SLC12A8: variants seen among roughly 807,000 people sequenced by gnomAD.
SLC12A8 encodes the protein solute carrier family 12 member 8, also known as cation-chloride cotransporter 9.
Under a neutral mutation model 75.6 loss-of-function variants are expected in SLC12A8, and 69 were observed. The observed-to-expected ratio is 0.91, with a 90% CI of 0.75 to 1.11. The LOEUF (loss-of-function observed/expected upper bound fraction) is 1.11. Ranked by LOEUF, SLC12A8 falls within the 50% of genes most tolerant of loss-of-function variation. The pLI, the probability that SLC12A8 is intolerant of heterozygous loss-of-function variation, is 0.00. For missense variants in SLC12A8, 877 were observed against 896.7 expected, an observed-to-expected ratio of 0.98 and a Z score of 0.28; for synonymous variants, 365 against 372.8, an observed-to-expected ratio of 0.98 and a Z score of 0.24.
At chr3:125,191,855 G>C (rs548261205) in intron 2 of SLC12A8, among the ~76,000 whole-genome samples, 1 of 152,196 alleles carries the variant, frequency 6.6e-6, no homozygotes, top group African/African-American at 2.4e-5. Flanking sequence ...TTGTGTCTCC[G>C]TCAGTCTCCA....
intron 6 of SLC12A8, among the ~76,000 whole-genome samples, chr3:125,128,017 C>T (rs1162600412): frequency 6.6e-6 from 1 of 151,904 alleles, no homozygotes; most frequent in Non-Finnish European, 1.5e-5. Flanking sequence ...GCTGGGACTA[C>T]AGGCATGTAC....
At chr3:125,133,930 C>T (rs1056247517) in intron 6 of SLC12A8, among the ~76,000 whole-genome samples, 3 of 152,268 alleles carry the variant, frequency 2.0e-5, no homozygotes, top group East Asian at 1.9e-4. Flanking sequence ...ATCCCTCCTT[C>T]GTGCTCCTCT....
rs903252537 is a variant in SLC12A8, at chr3:125,107,821, T to C, written c.1365A>G (p.Leu455=). ...GPAQRVLEGT[L]LEFTKDMDQL... is the part of the protein sequence containing the mutation. Reference sequence around the variant, plus strand: ...GATCCATGTCCTTGGTGAATTCCAGTAGCGTGCCCTCCAAGACTCTTTGGG... The same window carrying C: ...GATCCATGTCCTTGGTGAATTCCAGCAGCGTGCCCTCCAAGACTCTTTGGG... The change falls in exon 10 of 14, where the codon CTA becomes CTG. Residue 455 remains leucine (L), a synonymous_variant. Coordinates refer to ENST00000469902, the MANE Select transcript of SLC12A8 (RefSeq NM_024628.6). 2 of 1,613,994 alleles carry C rather than the reference T, an allele frequency of 1.2e-6. No homozygotes were observed. Among genetic ancestry groups the C allele is most frequent in the African/African-American group, 1.3e-5 (1 of 74,902 alleles).
At chr3:125,210,867 A>C (rs1269250751) in intron 2 of SLC12A8, among the ~76,000 whole-genome samples, 1 of 152,248 alleles carries the variant, frequency 6.6e-6, no homozygotes, top group African/African-American at 2.4e-5. Flanking sequence ...GAAGATAAAG[A>C]AAAAAGAAGA....
intron 5 of SLC12A8, among the ~76,000 whole-genome samples, chr3:125,140,707 T>C (rs1933609038): frequency 6.6e-6 from 1 of 152,148 alleles, no homozygotes; most frequent in South Asian, 2.1e-4. Context: ...CTTTTTTTTT[T>C]TCTTTTCTTT....
At chr3:125,212,411 G>T (rs1322331156) in intron 1 of SLC12A8, among the ~76,000 whole-genome samples, 1 of 151,726 alleles carries the variant, frequency 6.6e-6, no homozygotes, top group Non-Finnish European at 1.5e-5. Flanking sequence ...AGGCCGCCCC[G>T]CAGGCCTCCG....
intron 5 of SLC12A8, among the ~76,000 whole-genome samples, chr3:125,143,002 C>T (rs1027705493): frequency 1.3e-5 from 2 of 152,204 alleles, no homozygotes; most frequent in Non-Finnish European, 2.9e-5. Flanking sequence ...GTTAATAAAA[C>T]CTTACTGGCC....
At chr3:125,106,542 T>C (rs1369649060) in intron 10 of SLC12A8, among the ~76,000 whole-genome samples, 2 of 152,162 alleles carry the variant, frequency 1.3e-5, no homozygotes, top group Non-Finnish European at 2.9e-5. Context: ...TAGCTGGGAT[T>C]ACAGGCAGCA....
intron 5 of SLC12A8, among the ~76,000 whole-genome samples, chr3:125,146,849 A>C (rs1234194925): frequency 2.0e-5 from 3 of 152,200 alleles, no homozygotes; most frequent in Non-Finnish European, 4.4e-5. Context: ...GTTTGTTGCC[A>C]CAGGGAACAC....
chr3:125,098,904 G>A (rs1200565317), intron 10 of SLC12A8, among the ~76,000 whole-genome samples: 4 of 152,196 alleles, frequency 2.6e-5, no homozygotes, highest in Non-Finnish European at 5.9e-5. Context: ...GCCTGAAAGT[G>A]CAGACCCAGC....
At chr3:125,195,562 G>C (rs2107799028) in intron 2 of SLC12A8, among the ~76,000 whole-genome samples, 1 of 151,438 alleles carries the variant, frequency 6.6e-6, no homozygotes, top group African/African-American at 2.4e-5. Flanking sequence ...AGCTGGGGTT[G>C]AAATCTAGTC....
At chr3:125,173,792 T>C (rs925913235) in intron 5 of SLC12A8, among the ~76,000 whole-genome samples, 8 of 152,132 alleles carry the variant, frequency 5.3e-5, no homozygotes, top group Non-Finnish European at 1.2e-4. Flanking sequence ...TACAAAGCAC[T>C]CTTAAAACTC....
In SLC12A8 at chr3:125,107,474, C is replaced by A. The variant is rs369315191; in HGVS notation, c.1705+7G>T. On this transcript the variant is annotated splice_region_variant and intron_variant, in intron 10 of 13. Coordinates refer to ENST00000469902, the MANE Select transcript of SLC12A8 (RefSeq NM_024628.6). ...AAGAGGCCCCAGTGTGATACCAGAGCACTCACCTTCTCCACTGGACTCTGA... is the reference window on the plus strand; with the variant it reads ...AAGAGGCCCCAGTGTGATACCAGAGAACTCACCTTCTCCACTGGACTCTGA... 67 of 1,598,432 alleles carry A rather than the reference C, an allele frequency of 4.2e-5. No homozygotes were observed. Among genetic ancestry groups the A allele is most frequent in the Non-Finnish European group, 5.0e-5 (59 of 1,168,636 alleles).
rs548596667 is a variant in SLC12A8 at position 125,166,851 on chromosome 3, A to G, written c.622+10892T>C. Reference sequence around the variant, plus strand: ...GGATCCATGCGGTATGATACAATGTATATAAAATTTTCAAACGCTGAACAA... The same window carrying G: ...GGATCCATGCGGTATGATACAATGTGTATAAAATTTTCAAACGCTGAACAA... On this transcript the variant is annotated intron_variant, in intron 5 of 13. Transcript: ENST00000469902. 3.3e-5 allele frequency among the ~76,000 whole-genome samples: 5 copies of G among 152,342 alleles called. No homozygotes were observed. The East Asian group carries it at 9.6e-4, about 29-fold the overall frequency.
chr3:125,107,252 C>G, intron 10 of SLC12A8, among the ~76,000 whole-genome samples: 1 of 152,174 alleles, frequency 6.6e-6, no homozygotes, highest in East Asian at 1.9e-4. Context: ...GCTCTCAGGT[C>G]TAACATACAG....
intron 5 of SLC12A8, among the ~76,000 whole-genome samples, chr3:125,150,208 G>A (rs1202198578): frequency 6.6e-6 from 1 of 152,162 alleles, no homozygotes; most frequent in Non-Finnish European, 1.5e-5. Flanking sequence ...AAATGAGGGT[G>A]GGATGTGTTG....
At chr3:125,144,202 G>A (rs1025240536) in intron 5 of SLC12A8, among the ~76,000 whole-genome samples, 3 of 152,200 alleles carry the variant, frequency 2.0e-5, no homozygotes, top group Non-Finnish European at 2.9e-5. Flanking sequence ...GAACAGTGCT[G>A]TCTACTTCCG....
chr3:125,203,898 C>T (rs1579546736), intron 2 of SLC12A8, among the ~76,000 whole-genome samples: 1 of 152,068 alleles, frequency 6.6e-6, no homozygotes, highest in African/African-American at 2.4e-5. Flanking sequence ...CATAAAATGA[C>T]TAATCCCATT....
intron 10 of SLC12A8, among the ~76,000 whole-genome samples, chr3:125,098,078 A>G (rs985976176): frequency 4.6e-5 from 7 of 152,132 alleles, no homozygotes; most frequent in African/African-American, 1.7e-4. Flanking sequence ...AATTATGTTA[A>G]TTTTTAAATA....
Sources: gnomAD v4.1 joint callset for allele counts (sites outside exome capture counted in the v4.1 genomes callset) on GRCh38, gnomAD v4.1.1 for gene constraint, MANE v1.5 for transcripts, NCBI Gene and HGNC (gene_info 2026-07-23, HGNC 2026-07-21) for gene names.